The following ATRN variants were observed in gnomAD, a reference collection of about 807,000 sequenced individuals.
The protein encoded by ATRN is attractin-2.
In ATRN, 54 loss-of-function variants were observed where a neutral mutation model predicts 178.7. The observed-to-expected ratio is 0.30, with a 90% CI of 0.24 to 0.38. The LOEUF (loss-of-function observed/expected upper bound fraction) is 0.38, where lower values mean the gene tolerates loss of function less well. Ranked by LOEUF, ATRN falls within the 10% of genes least tolerant of loss-of-function variation. The pLI is 1.00. For missense variants in ATRN, 1,443 were observed against 1,815.1 expected (o/e 0.79, Z 3.73); for synonymous variants, 636 against 663.0 (o/e 0.96, Z 0.63).
intron 25 of ATRN, among the ~76,000 whole-genome samples, chr20:3,627,860 A>G (rs2086955040): frequency 6.6e-6 from 1 of 152,196 alleles, no homozygotes; most frequent in Non-Finnish European, 1.5e-5. Context: ...TCTAGGCCCC[A>G]GGTGGCTTCA....
At chr20:3,576,019 T>C in intron 13 of ATRN, 71 bp downstream of exon 13, 1 of 1,476,736 alleles carries the variant, frequency 6.8e-7, no homozygotes, top group African/African-American at 1.4e-5. Context: ...ATAGTGTATA[T>C]GGTATAAATA....
intron 1 of ATRN, among the ~76,000 whole-genome samples, chr20:3,477,118 G>T (rs1349608757): frequency 1.0e-5 from 1 of 99,994 alleles, no homozygotes; most frequent in Non-Finnish European, 2.0e-5. Flanking sequence ...GGGGCCTGGA[G>T]CATAGTTCAC....
chr20:3,487,908 C>T (rs941444520), intron 1 of ATRN, among the ~76,000 whole-genome samples: 7 of 152,132 alleles, frequency 4.6e-5, no homozygotes, highest in African/African-American at 1.7e-4. Flanking sequence ...TTTAAAAGCT[C>T]TTTAAGGGTT....
At chr20:3,572,667 A>G (rs1031661899) in intron 11 of ATRN, 64 bp from the exon 12 acceptor site, 1 of 1,390,440 alleles carries the variant, frequency 7.2e-7, no homozygotes, top group Non-Finnish European at 9.9e-7. Context: ...AAAAAAAAAA[A>G]AGTATAGCAT....
At chr20:3,529,361 A>G (rs1041541506) in intron 1 of ATRN, among the ~76,000 whole-genome samples, 6 of 152,214 alleles carry the variant, frequency 3.9e-5, no homozygotes, top group South Asian at 4.1e-4. Flanking sequence ...TATTCAAGAG[A>G]AATGTAGATA....
At chr20:3,511,706 G>A (rs1014663711) in intron 1 of ATRN, among the ~76,000 whole-genome samples, 6 of 152,074 alleles carry the variant, frequency 3.9e-5, no homozygotes, top group Admixed American at 2.0e-4. Context: ...TCAGCAAGGC[G>A]TAGTTATCAC....
intron 14 of ATRN, among the ~76,000 whole-genome samples, chr20:3,577,764 G>A (rs770585250): frequency 1.3e-5 from 2 of 152,188 alleles, no homozygotes; most frequent in Non-Finnish European, 2.9e-5. Context: ...TGGTGCAAGT[G>A]TGGGGTGGGG....
chr20:3,573,303 C>T lies in ATRN; in HGVS notation c.2092+352C>T, dbSNP rs187854271. Among the ~76,000 whole-genome samples, 4 of 152,046 alleles carry T rather than the reference C, an allele frequency of 2.6e-5. No individual in the cohort carries two copies. In the East Asian group the frequency reaches 5.8e-4, roughly 22 times the overall value. On this transcript the variant is annotated intron_variant, in intron 12 of 28. Coordinates refer to ENST00000262919, the MANE Select transcript of ATRN (RefSeq NM_139321.3). The stretch of plus-strand genomic sequence containing the variant: ...GAAATGTTGTGTGTCTGGACTGTCC[C>T]GATATGGTAGCCACTAGCCACATGG...
At chr20:3,621,698 TC>T (rs1314000677) in intron 24 of ATRN, among the ~76,000 whole-genome samples, 1 of 152,192 alleles carries the variant, frequency 6.6e-6, no homozygotes, top group East Asian at 1.9e-4. Flanking sequence ...CAAATCTATT[TC>T]ACCGTTTCCA....
chr20:3,502,019 A>G (rs1264117461), intron 1 of ATRN, among the ~76,000 whole-genome samples: 1 of 152,200 alleles, frequency 6.6e-6, no homozygotes, highest in Non-Finnish European at 1.5e-5. Context: ...TGATTGGATT[A>G]AAGAGTCTGC....
chr20:3,628,230 G>A (rs1217002610), intron 25 of ATRN, among the ~76,000 whole-genome samples: 2 of 151,742 alleles, frequency 1.3e-5, no homozygotes, highest in Non-Finnish European at 2.9e-5. Flanking sequence ...TAAAGCATTT[G>A]ATAAAATTTA....
At chr20:3,480,351 G>T (rs972961322) in intron 1 of ATRN, among the ~76,000 whole-genome samples, 1 of 152,124 alleles carries the variant, frequency 6.6e-6, no homozygotes, top group Admixed American at 6.5e-5. Context: ...TCTGTGTGGC[G>T]AGGCCATAAT....
intron 24 of ATRN, among the ~76,000 whole-genome samples, chr20:3,605,961 C>T (rs1035378486): frequency 6.6e-6 from 1 of 152,218 alleles, no homozygotes; most frequent in Non-Finnish European, 1.5e-5. Context: ...TGCCTTGGGA[C>T]TGTGACTAAA....
chr20:3,507,933 G>A (rs1473757609), intron 1 of ATRN, among the ~76,000 whole-genome samples: 1 of 151,884 alleles, frequency 6.6e-6, no homozygotes, highest in Non-Finnish European at 1.5e-5. Flanking sequence ...TCGATCTCTT[G>A]ACCTCGTGAT....
chr20:3,489,686 C>CATCT (rs2084755975), intron 1 of ATRN: 2 of 1,569,676 alleles, frequency 1.3e-6, no homozygotes, highest in African/African-American at 2.7e-5. Flanking sequence ...CTTCAATCTG[C>CATCT]GTCACATTAG....
chr20:3,603,085 A>G (rs375044982), intron 23 of ATRN, among the ~76,000 whole-genome samples: 57 of 151,444 alleles, frequency 3.8e-4, no homozygotes, highest in African/African-American at 1.3e-3. Context: ...CCATTTCATT[A>G]ATCTTTATCG....
At chr20:3,472,967 C>G (rs2084453540) in intron 1 of ATRN, among the ~76,000 whole-genome samples, 1 of 152,214 alleles carries the variant, frequency 6.6e-6, no homozygotes, top group South Asian at 2.1e-4. Flanking sequence ...TTCTGAGGAA[C>G]TCAGAGAACG....
chr20:3,546,594 T>C (rs1427683289), intron 4 of ATRN, among the ~76,000 whole-genome samples: 1 of 152,052 alleles, frequency 6.6e-6, no homozygotes. Context: ...GGTTTCACCA[T>C]GTTGGCCAGG....
At chr20:3,551,617 C>T (rs1340516349) in intron 6 of ATRN, among the ~76,000 whole-genome samples, 4 of 152,092 alleles carry the variant, frequency 2.6e-5, no homozygotes, top group African/African-American at 4.8e-5. Context: ...AGTGTTTGAT[C>T]TCCACATGGG....
Sources: gnomAD v4.1 joint callset for allele counts (sites outside exome capture counted in the v4.1 genomes callset) on GRCh38, gnomAD v4.1.1 for gene constraint, MANE v1.5 for transcripts, NCBI Gene and HGNC (gene_info 2026-07-23, HGNC 2026-07-21) for gene names.